SPTBN2: variants seen among roughly 807,000 people sequenced by gnomAD.
The protein encoded by SPTBN2 is spectrin beta chain, non-erythrocytic 2.
Under a neutral mutation model 284.2 loss-of-function variants are expected in SPTBN2, and 107 were observed. The observed-to-expected ratio is 0.38, with a 90% CI of 0.32 to 0.44. The LOEUF is 0.44. Ranked by LOEUF, SPTBN2 falls within the 20% of genes least tolerant of loss-of-function variation. The probability of loss-of-function intolerance (pLI) is 1.00; values close to 1 mark genes in which losing one functional copy is unlikely to be tolerated. For synonymous variants in SPTBN2, 1,289 were observed against 1,354.8 expected (o/e 0.95, Z 1.07); for missense variants, 2,569 against 3,287.1 (o/e 0.78, Z 5.34).
upstream of SPTBN2, among the ~76,000 whole-genome samples, chr11:66,730,953 A>T (rs915180731): frequency 2.0e-5 from 3 of 152,190 alleles, no homozygotes; most frequent in African/African-American, 7.2e-5. Flanking sequence ...GACAGGGAGT[A>T]TAGCAGAATG....
chr11:66,686,666 C>T (rs1358223015), intron 36 of SPTBN2: 21 of 640,904 alleles, frequency 3.3e-5, no homozygotes, highest in African/African-American at 3.6e-5. Flanking sequence ...CACCCCAGCC[C>T]GGGCCTCCTG....
chr11:66,702,880 G>A (rs1261267168), intron 15 of SPTBN2, among the ~76,000 whole-genome samples: 13 of 138,388 alleles, frequency 9.4e-5, no homozygotes, highest in Non-Finnish European at 2.0e-4. Flanking sequence ...GGAGCTTGCA[G>A]TGAGCCAAGA....
At chr11:66,696,249 C>A in intron 21 of SPTBN2, 28 bp downstream of exon 21, 1 of 1,607,156 alleles carries the variant, frequency 6.2e-7, no homozygotes, top group East Asian at 2.2e-5. Flanking sequence ...CTGCTGTTCA[C>A]CATCCCCATC....
intron 8 of SPTBN2, among the ~76,000 whole-genome samples, chr11:66,713,307 T>A (rs1221007512): frequency 6.6e-6 from 1 of 151,424 alleles, no homozygotes; most frequent in Non-Finnish European, 1.5e-5. Flanking sequence ...AGTGTAAAGA[T>A]ATATATTTTT....
Position 66,686,388 on chromosome 11 carries a change from G to C in SPTBN2, c.6939+10C>G. On this transcript the variant is annotated intron_variant, in intron 37 of 37. Coordinates refer to ENST00000533211, the MANE Select transcript of SPTBN2 (RefSeq NM_006946.4). ...GGCACGGACAGAGAGGAACACGAAG[G>C]ACAGCTCACCTCATCCTTGGCCTGG... The C allele has an allele frequency of 1.2e-6, 2 of 1,614,158 alleles. No homozygotes were observed. The highest frequency in any genetic ancestry group is 8.5e-7 in the Non-Finnish European group (1 of 1,180,012).
At chr11:66,732,500 A>T (rs962906558), upstream of SPTBN2, among the ~76,000 whole-genome samples, 2 of 152,104 alleles carry the variant, frequency 1.3e-5, no homozygotes, top group African/African-American at 2.4e-5. Context: ...ATACAAAAAA[A>T]TTAGCTGGGC....
rs569483440 is a variant in SPTBN2 at position 66,738,814 on chromosome 11, A to G, written c.-475+5728T>C. Among the ~76,000 whole-genome samples the G allele has an allele frequency of 2.1e-5, 3 of 144,788 alleles. No individual in the cohort carries two copies. The South Asian group carries it at 6.6e-4, about 32-fold the overall frequency. 95.0% of individuals were successfully genotyped at this position (144,788 alleles called of 152,430 possible). A position where few individuals can be genotyped will look rare whatever the true frequency, so the allele number is the denominator to read the frequency against. On this transcript the variant is annotated intron_variant, in intron 1 of 37. Coordinates refer to the SPTBN2 transcript ENST00000611817. ...CAGGCGTGAGCCACTGCGCTTGGCC[A>G]TTATTATTATTTTTTGAGACAGTGT... is the stretch of plus-strand genomic sequence containing the variant.
rs1324841738 is a variant in SPTBN2, at chr11:66,743,575, C to CT, written c.-475+966dup. On this transcript the variant is annotated intron_variant, in intron 1 of 37. Coordinates refer to the SPTBN2 transcript ENST00000611817. ...CACCAGCAGTTATAGGCTTAAGCCC[C>CT]TGTCACCATGCCCCTCCCGGAACCT... Among the ~76,000 whole-genome samples the CT allele has an allele frequency of 2.6e-5, 4 of 152,204 alleles. 1 individual carries two copies. In the South Asian group the frequency reaches 6.2e-4, roughly 24 times the overall value.
chr11:66,699,199 G>A, intron 18 of SPTBN2, 117 bp from the exon 19 acceptor site: 1 of 1,381,724 alleles, frequency 7.2e-7, no homozygotes, highest in South Asian at 1.2e-5. Flanking sequence ...GGAGCACAAT[G>A]AGGCTACCCA....
chr11:66,738,806 G>A (rs147603467), intron 1 of SPTBN2, among the ~76,000 whole-genome samples: 6,280 of 150,910 alleles, frequency 0.042, 203 homozygotes, highest in Non-Finnish European at 0.054. Flanking sequence ...GAGCCACTGC[G>A]CTTGGCCATT....
In SPTBN2 at chr11:66,691,584, A is replaced by T; in HGVS notation, c.5265T>A (p.Asn1755Lys). 6.2e-7 allele frequency: 1 copy of T among 1,613,762 alleles called. No homozygotes were observed. The highest frequency in any genetic ancestry group is 8.5e-7 in the Non-Finnish European group (1 of 1,180,030). ...TIGQERVDSA[N>K]ALANGLIAGG... The stretch of plus-strand genomic sequence containing the variant: ...CAGCAATGAGCCCATTGGCCAGCGC[A>T]TTGGCGCTATCTACGCGCTCCTGAC... Residue 1755 changes from asparagine to lysine, a missense_variant, in exon 27 of 38, where the codon AAT (asparagine) becomes AAA (lysine). This residue lies in a region of SPTBN2 where 1,130 missense variants were observed against 1,317.3 expected (regional missense o/e 0.86). Transcript: ENST00000533211. This position sits in a 1 kb window ranked among gnomAD's most constrained non-coding sequence, Gnocchi z 8.0.
intron 3 of SPTBN2, among the ~76,000 whole-genome samples, chr11:66,720,572 C>T (rs768618778): frequency 1.3e-5 from 2 of 151,942 alleles, no homozygotes; most frequent in African/African-American, 4.8e-5. Flanking sequence ...CCAGCAGCAG[C>T]GGGTGGAGGG....
intron 21 of SPTBN2, 123 bp from the exon 22 acceptor site, chr11:66,694,486 G>A: frequency 2.1e-6 from 2 of 964,910 alleles, no homozygotes; most frequent in Non-Finnish European, 3.1e-6. Context: ...CACCCAGGGA[G>A]AGCATCCCCT....
intron 18 of SPTBN2, 51 bp from the exon 19 acceptor site, chr11:66,699,133 T>C (rs372508710): frequency 5.0e-6 from 8 of 1,607,366 alleles, no homozygotes; most frequent in Middle Eastern, 1.6e-4. Context: ...GAAAGGATTG[T>C]GACCCTTTGG....
chr11:66,699,378 C>A, intron 18 of SPTBN2, 28 bp downstream of exon 18: 1 of 1,610,932 alleles, frequency 6.2e-7, no homozygotes, highest in Non-Finnish European at 8.5e-7. Flanking sequence ...CCCTGGGAAC[C>A]CTAATTCATG....
Position 66,700,962 on chromosome 11 carries a change from C to A in SPTBN2, c.3137G>T (p.Gly1046Val). The A allele has an allele frequency of 6.2e-7, 1 of 1,605,720 alleles. No individual in the cohort carries two copies. The highest frequency in any genetic ancestry group is 8.5e-7 in the Non-Finnish European group (1 of 1,179,864). The stretch of plus-strand genomic sequence containing the variant: ...CATGGTGGCCCTGAGGTCCTCCCAG[C>A]CGGTCTGCACCTCTCTCAGCCGGGC... The part of the protein sequence containing the change: ...INARLREVQT[G>V]WEDLRATMRR... The change falls in exon 17 of 38, where the codon GGC becomes GTC. Residue 1046 changes from glycine to valine, a missense_variant. Around this residue, in one of 6 missense-constraint regions of SPTBN2, gnomAD observed 1,012 missense variants for 1,248.9 expected, o/e 0.81. Transcript: ENST00000533211. The surrounding 1 kb of genome is among the most constrained non-coding windows in gnomAD (Gnocchi z 6.6).
chr11:66,693,103 G>A lies in SPTBN2; in HGVS notation c.4855-3C>T, dbSNP rs757295149. ...TCTGCCTGGGCACTCAGCTCATCCT[G>A]GGGGAAGGGACAGTGGCATCCAGCA... is the stretch of plus-strand genomic sequence containing the variant. On this transcript the variant is annotated splice_polypyrimidine_tract_variant and splice_region_variant and intron_variant, in intron 24 of 37. Coordinates refer to ENST00000533211, the MANE Select transcript of SPTBN2 (RefSeq NM_006946.4). This position sits in a 1 kb window ranked among gnomAD's most constrained non-coding sequence, Gnocchi z 5.7. The A allele has an allele frequency of 1.9e-6, 3 of 1,614,176 alleles. No homozygotes were observed. In the Admixed American group the frequency reaches 5.0e-5, roughly 27 times the overall value.
rs527685225 is a variant in SPTBN2, at chr11:66,687,782, C to A, written c.6501+86G>T. On this transcript the variant is annotated intron_variant, in intron 34 of 37. Transcript: ENST00000533211. The surrounding 1 kb of genome is among the most constrained non-coding windows in gnomAD (Gnocchi z 5.2). ...GAGCCTCTGCCCTCTCCCATCCCAT[C>A]CCCAGTACTCCCCCACCCGCACTCA... 3.7e-5 allele frequency: 58 copies of A among 1,582,734 alleles called. No homozygotes were observed. The South Asian group carries it at 6.4e-4, about 18-fold the overall frequency.
At chr11:66,704,446 TG>T in intron 15 of SPTBN2, 151 bp downstream of exon 15, 1 of 933,954 alleles carries the variant, frequency 1.1e-6, no homozygotes, top group Non-Finnish European at 1.6e-6. Context: ...CTTGTGAGTA[TG>T]GTTAACATTT....
Sources: allele counts gnomAD v4.1 joint callset (sites outside exome capture counted in the v4.1 genomes callset), GRCh38; gene constraint gnomAD v4.1.1; regional missense constraint gnomAD v4.1.1; non-coding constraint Gnocchi (gnomAD v3.1); transcripts MANE v1.5; gene names NCBI Gene and HGNC (gene_info 2026-07-23, HGNC 2026-07-21).